ZNF804B: variants seen among roughly 807,000 people sequenced by gnomAD.
ZNF804B encodes zinc finger 804B.
ZNF804B carries 80 observed loss-of-function variants against 101.4 expected under a neutral mutation model. That is an observed-to-expected ratio of 0.79 (90% CI 0.66 to 0.95). The LOEUF is 0.95. Among genes scored for constraint, ZNF804B ranks in the 40% least tolerant of loss-of-function variants. The pLI is 0.00. For missense variants in ZNF804B, 1,673 were observed against 1,561.9 expected, an observed-to-expected ratio of 1.07 and a Z score of -1.20; for synonymous variants, 622 against 558.8, an observed-to-expected ratio of 1.11 and a Z score of -1.59.
intron 1 of ZNF804B, among the ~76,000 whole-genome samples, chr7:88,957,143 C>T (rs1417797753): frequency 1.3e-5 from 2 of 151,370 alleles, no homozygotes; most frequent in African/African-American, 4.8e-5. Flanking sequence ...AAAGGAAGCC[C>T]ATTTAAAGTA....
In ZNF804B at chr7:89,065,133, G is replaced by A. The variant is rs572590231; in HGVS notation, c.109-153022G>A. 4.6e-5 allele frequency among the ~76,000 whole-genome samples: 7 copies of A among 152,280 alleles called. 1 individual carries two copies. The highest frequency in any genetic ancestry group is 3.9e-4 in the East Asian group (2 of 5,156). Reference sequence around the variant, plus strand: ...CACCTGTCAAGAGAAAGAACCCTCCGATAGGAGCTTGCCAGAGCAGCCCCT... The same window carrying A: ...CACCTGTCAAGAGAAAGAACCCTCCAATAGGAGCTTGCCAGAGCAGCCCCT... On this transcript the variant is annotated intron_variant, in intron 1 of 3. Coordinates refer to ENST00000333190, the MANE Select transcript of ZNF804B (RefSeq NM_181646.5).
chr7:88,802,505 G>GA (rs1348076731), intron 1 of ZNF804B, among the ~76,000 whole-genome samples: 2 of 149,850 alleles, frequency 1.3e-5, no homozygotes, highest in Non-Finnish European at 3.0e-5. Flanking sequence ...TCAGGGAAAA[G>GA]AAAAAAAACT....
chr7:88,793,046 GA>G (rs112159815), intron 1 of ZNF804B, among the ~76,000 whole-genome samples: 25 of 148,732 alleles, frequency 1.7e-4, no homozygotes, highest in African/African-American at 3.9e-4. Context: ...AGCTAAAAAT[GA>G]AAAAAAAATA....
chr7:88,794,103 C>T (rs1410077515), intron 1 of ZNF804B: 2 of 1,161,134 alleles, frequency 1.7e-6, no homozygotes, highest in South Asian at 1.7e-5. Flanking sequence ...TAAAAGACAC[C>T]AGTAACTTTA....
intron 1 of ZNF804B, among the ~76,000 whole-genome samples, chr7:88,941,280 T>C (rs1793050741): frequency 6.6e-6 from 1 of 152,028 alleles, no homozygotes; most frequent in African/African-American, 2.4e-5. Flanking sequence ...CCAGAGGAGA[T>C]GAAAACATAT....
At chr7:88,860,697 A>T (rs1403735840) in intron 1 of ZNF804B, among the ~76,000 whole-genome samples, 1 of 152,146 alleles carries the variant, frequency 6.6e-6, no homozygotes, top group South Asian at 2.1e-4. Context: ...GGAAGAAAAG[A>T]AGGAACTTGA....
intron 1 of ZNF804B, among the ~76,000 whole-genome samples, chr7:89,204,228 T>A (rs1347735482): frequency 2.6e-5 from 4 of 152,166 alleles, no homozygotes; most frequent in Non-Finnish European, 5.9e-5. Context: ...AGTAGCTACA[T>A]CAGGAGTAAT....
In ZNF804B at chr7:88,973,613, G is replaced by A. The variant is rs62464070; in HGVS notation, c.108+213529G>A. On this transcript the variant is annotated intron_variant, in intron 1 of 3. Transcript: ENST00000333190. Reference sequence around the variant, plus strand: ...GTTACAAGACATAGATATGCCATTAGCAAGAGATTGAAAAGTGAATTATTT... The same window carrying A: ...GTTACAAGACATAGATATGCCATTAACAAGAGATTGAAAAGTGAATTATTT... 4.0e-3 allele frequency among the ~76,000 whole-genome samples: 610 copies of A among 151,130 alleles called. 6 individuals carry two copies. The highest frequency in any genetic ancestry group is 5.2e-3 in the Non-Finnish European group (348 of 67,458).
At chr7:88,875,015 C>G (rs1340812504) in intron 1 of ZNF804B, among the ~76,000 whole-genome samples, 1 of 129,652 alleles carries the variant, frequency 7.7e-6, no homozygotes. Flanking sequence ...TCACTCAAAA[C>G]CGCTCAACTA....
At chr7:89,099,341 A>G (rs1358469512) in intron 1 of ZNF804B, among the ~76,000 whole-genome samples, 1 of 152,160 alleles carries the variant, frequency 6.6e-6, no homozygotes, top group African/African-American at 2.4e-5. Context: ...GGAAGAAAAA[A>G]TAATGTAAAG....
intron 2 of ZNF804B, among the ~76,000 whole-genome samples, chr7:89,222,561 G>A (rs547690178): frequency 2.0e-5 from 3 of 151,972 alleles, no homozygotes; most frequent in East Asian, 1.9e-4. Context: ...TCTTGACTCC[G>A]TTTCCAGATT....
At chr7:89,023,652 C>T (rs973757492) in intron 1 of ZNF804B, among the ~76,000 whole-genome samples, 2 of 152,100 alleles carry the variant, frequency 1.3e-5, no homozygotes, top group African/African-American at 4.8e-5. Flanking sequence ...AGAAAAAATT[C>T]ATTTGTTCCT....
chr7:88,852,031 C>A (rs1298327294), intron 1 of ZNF804B, among the ~76,000 whole-genome samples: 1 of 152,006 alleles, frequency 6.6e-6, no homozygotes, highest in Non-Finnish European at 1.5e-5. Flanking sequence ...GAAAAGAGGG[C>A]AGGGAGTTTT....
At chr7:89,072,225 GTC>G (rs1320856124) in intron 1 of ZNF804B, among the ~76,000 whole-genome samples, 3 of 152,168 alleles carry the variant, frequency 2.0e-5, no homozygotes, top group African/African-American at 7.2e-5. Flanking sequence ...GAGAACACAT[GTC>G]TTTCACAGTC....
chr7:89,093,325 A>G (rs372641539), intron 1 of ZNF804B, among the ~76,000 whole-genome samples: 2 of 152,166 alleles, frequency 1.3e-5, no homozygotes, highest in African/African-American at 2.4e-5. Flanking sequence ...TCCATTTCCA[A>G]AGTTATTTAG....
intron 1 of ZNF804B, among the ~76,000 whole-genome samples, chr7:88,955,640 G>A (rs1467310358): frequency 6.6e-6 from 1 of 151,522 alleles, no homozygotes; most frequent in African/African-American, 2.4e-5. Context: ...ATTGAATTCA[G>A]ACTCATCTAG....
chr7:88,795,072 AC>A (rs1790458531), intron 1 of ZNF804B: 1 of 788,410 alleles, frequency 1.3e-6, no homozygotes, highest in Non-Finnish European at 1.9e-6. Context: ...AGAGTAAATC[AC>A]GGTTTGTCAA....
At chr7:89,150,205 G>T (rs531247777) in intron 1 of ZNF804B, among the ~76,000 whole-genome samples, 1 of 151,952 alleles carries the variant, frequency 6.6e-6, no homozygotes, top group Non-Finnish European at 1.5e-5. Flanking sequence ...AGCCATCTAG[G>T]TTACTAGATT....
chr7:88,806,935 T>C (rs918080329), intron 1 of ZNF804B, among the ~76,000 whole-genome samples: 2 of 152,142 alleles, frequency 1.3e-5, no homozygotes, highest in East Asian at 3.9e-4. Flanking sequence ...CCAAGACCTA[T>C]GCCTCTTAAA....
Sources: gnomAD v4.1 joint callset for allele counts (sites outside exome capture counted in the v4.1 genomes callset) on GRCh38, gnomAD v4.1.1 for gene constraint, MANE v1.5 for transcripts, NCBI Gene and HGNC (gene_info 2026-07-23, HGNC 2026-07-21) for gene names.